SNX24: variants seen among roughly 807,000 people sequenced by gnomAD.
SNX24 encodes the protein sorting nexin-24.
SNX24 carries 22 observed loss-of-function variants against 28.7 expected under a neutral mutation model. The ratio of observed to expected loss-of-function variants is 0.77; its 90% CI spans 0.55 to 1.10. The LOEUF (loss-of-function observed/expected upper bound fraction) is 1.10. Ranked by LOEUF, SNX24 falls within the 50% of genes least tolerant of loss-of-function variation. The probability of loss-of-function intolerance (pLI) is 0.00; values close to 1 mark genes in which losing one functional copy is unlikely to be tolerated. For synonymous variants in SNX24, 69 were observed against 71.5 expected, an observed-to-expected ratio of 0.96 and a Z score of 0.18; for missense variants, 221 against 201.1, an observed-to-expected ratio of 1.10 and a Z score of -0.60.
intron 3 of SNX24, among the ~76,000 whole-genome samples, chr5:122,972,789 C>A (rs533098835): frequency 1.5e-3 from 229 of 152,244 alleles, no homozygotes; most frequent in African/African-American, 5.3e-3. Flanking sequence ...GGAAGAGGTC[C>A]AGTATAATCA....
At chr5:122,925,147 GCCCCTCCCAT>G (rs1180001248) in intron 1 of SNX24, among the ~76,000 whole-genome samples, 1 of 59,634 alleles carries the variant, frequency 1.7e-5, no homozygotes, top group Non-Finnish European at 3.1e-5. Flanking sequence ...TCTTACCCCT[GCCCCTCCCAT>G]CCCCTCCCAT....
At chr5:122,938,413 C>T (rs1417426382) in intron 2 of SNX24, among the ~76,000 whole-genome samples, 1 of 152,140 alleles carries the variant, frequency 6.6e-6, no homozygotes, top group Admixed American at 6.5e-5. Flanking sequence ...GGTCTACTAG[C>T]ATTAATAGAA....
chr5:122,966,730 T>A lies in SNX24; in HGVS notation c.249+20571T>A, dbSNP rs1219585801. Among the ~76,000 whole-genome samples the A allele has an allele frequency of 5.9e-5, 9 of 152,166 alleles. No individual in the cohort carries two copies. In the East Asian group the frequency reaches 1.7e-3, roughly 29 times the overall value. ...TACTTAACCTTGCTGAGCACTAGTC[T>A]CCTTTCCTTACTAGAGAGAAAAAAA... is the stretch of plus-strand genomic sequence containing the variant. On this transcript the variant is annotated intron_variant, in intron 3 of 6. Coordinates refer to ENST00000261369, the MANE Select transcript of SNX24 (RefSeq NM_014035.4).
intron 1 of SNX24, among the ~76,000 whole-genome samples, chr5:122,847,110 G>C (rs2303046): frequency 0.16 from 24,248 of 152,012 alleles, 2,371 homozygotes; most frequent in East Asian, 0.36. Flanking sequence ...AGGATCTGAA[G>C]ATAAAAAGGC....
intron 3 of SNX24, among the ~76,000 whole-genome samples, chr5:122,984,606 T>C (rs1199089210): frequency 2.0e-5 from 3 of 152,226 alleles, no homozygotes; most frequent in African/African-American, 7.2e-5. Context: ...AGAAAAGTTA[T>C]CGCAGTTGGG....
intron 1 of SNX24, among the ~76,000 whole-genome samples, chr5:122,857,556 C>T (rs749562348): frequency 3.6e-4 from 54 of 151,988 alleles, no homozygotes; most frequent in Non-Finnish European, 7.5e-4. Flanking sequence ...CCTCTTTCTC[C>T]TCTTGTCCTT....
At chr5:122,958,681 A>G (rs1280857073) in intron 3 of SNX24, among the ~76,000 whole-genome samples, 1 of 151,452 alleles carries the variant, frequency 6.6e-6, no homozygotes, top group Non-Finnish European at 1.5e-5. Context: ...AATAAACCCT[A>G]CTTGGTCATA....
chr5:122,948,099 C>CTTAAA (rs1194597560), intron 3 of SNX24, among the ~76,000 whole-genome samples: 13 of 152,266 alleles, frequency 8.5e-5, no homozygotes, highest in African/African-American at 3.1e-4. Flanking sequence ...CTTAATTCCC[C>CTTAAA]CAGGAGTTTA....
intron 3 of SNX24, among the ~76,000 whole-genome samples, chr5:122,994,024 T>G (rs138201777): frequency 6.6e-6 from 1 of 152,238 alleles, no homozygotes; most frequent in East Asian, 1.9e-4. Context: ...ACAACCCTGA[T>G]AGACAATGGA....
intron 1 of SNX24, among the ~76,000 whole-genome samples, chr5:122,901,532 G>C (rs1275156824): frequency 1.3e-5 from 2 of 152,162 alleles, no homozygotes; most frequent in East Asian, 1.9e-4. Context: ...TATGCAGGAG[G>C]TATTTGGGCA....
At chr5:122,859,261 A>C (rs1755343397) in intron 1 of SNX24, among the ~76,000 whole-genome samples, 1 of 151,670 alleles carries the variant, frequency 6.6e-6, no homozygotes, top group African/African-American at 2.4e-5. Flanking sequence ...ACTTGAGCCC[A>C]GGAGTTGGAG....
At chr5:122,847,939 G>T (rs890043672) in intron 1 of SNX24, among the ~76,000 whole-genome samples, 1 of 152,032 alleles carries the variant, frequency 6.6e-6, no homozygotes, top group Non-Finnish European at 1.5e-5. Context: ...CTCTGTGTCT[G>T]TATTCTGGGT....
chr5:122,887,253 T>C (rs1373768768), intron 1 of SNX24, among the ~76,000 whole-genome samples: 1 of 152,240 alleles, frequency 6.6e-6, no homozygotes, highest in East Asian at 1.9e-4. Flanking sequence ...TTGAATATAT[T>C]ACTTGATTAT....
chr5:122,946,548 C>G (rs981678315), intron 3 of SNX24, among the ~76,000 whole-genome samples: 1 of 152,056 alleles, frequency 6.6e-6, no homozygotes, highest in Non-Finnish European at 1.5e-5. Flanking sequence ...GTGAGAGAAA[C>G]TGAACTCACA....
At chr5:122,917,752 C>T (rs1225682435) in intron 1 of SNX24, among the ~76,000 whole-genome samples, 1 of 152,124 alleles carries the variant, frequency 6.6e-6, no homozygotes, top group Non-Finnish European at 1.5e-5. Flanking sequence ...GGTGCCCTAG[C>T]TTCATGGTGT....
intron 1 of SNX24, among the ~76,000 whole-genome samples, chr5:122,880,980 A>AGT: frequency 6.6e-6 from 1 of 152,206 alleles, no homozygotes; most frequent in South Asian, 2.1e-4. Context: ...GCCCTGAAAC[A>AGT]CATTCTGTGG....
chr5:122,873,225 T>C (rs1049397823), intron 1 of SNX24, among the ~76,000 whole-genome samples: 4 of 152,128 alleles, frequency 2.6e-5, no homozygotes, highest in Admixed American at 2.0e-4. Flanking sequence ...TCTGCCTACC[T>C]CAGCCTACCA....
At chr5:122,851,139 G>C (rs138371278) in intron 1 of SNX24, among the ~76,000 whole-genome samples, 1 of 152,260 alleles carries the variant, frequency 6.6e-6, no homozygotes, top group Non-Finnish European at 1.5e-5. Flanking sequence ...ACAAAAGTAT[G>C]AATGTATTAG....
At chr5:122,912,392 G>C (rs1325258376) in intron 1 of SNX24, among the ~76,000 whole-genome samples, 2 of 151,676 alleles carry the variant, frequency 1.3e-5, no homozygotes, top group Non-Finnish European at 2.9e-5. Context: ...GGGTTTTCTA[G>C]ATATACAATC....
Sources: allele counts gnomAD v4.1 joint callset (sites outside exome capture counted in the v4.1 genomes callset), GRCh38; gene constraint gnomAD v4.1.1; transcripts MANE v1.5; gene names NCBI Gene and HGNC (gene_info 2026-07-23, HGNC 2026-07-21).